The following PTPN13 variants were observed in gnomAD, a reference collection of about 807,000 sequenced individuals.
PTPN13 encodes the protein tyrosine-protein phosphatase non-receptor type 13.
A neutral mutation model predicts 284.0 loss-of-function variants in PTPN13; 191 were observed. The observed-to-expected ratio is 0.67, with a 90% CI of 0.60 to 0.76. The LOEUF is 0.76. PTPN13 is among the 30% of genes least tolerant of loss of function. The pLI is 0.00. For synonymous variants in PTPN13, 986 were observed against 1,022.3 expected (o/e 0.96, Z 0.68); for missense variants, 2,797 against 2,939.9 (o/e 0.95, Z 1.12).
At chr4:86,652,770 G>T (rs186933899) in intron 2 of PTPN13, among the ~76,000 whole-genome samples, 1 of 152,068 alleles carries the variant, frequency 6.6e-6, no homozygotes, top group East Asian at 1.9e-4. Flanking sequence ...GGTGTTCTGT[G>T]ATCTTTTCAT....
chr4:86,710,095 A>G (rs1033894860), intron 7 of PTPN13, among the ~76,000 whole-genome samples: 1 of 152,190 alleles, frequency 6.6e-6, no homozygotes, highest in Non-Finnish European at 1.5e-5. Context: ...TTATTCTCCC[A>G]TAAAGGAAGC....
At chr4:86,652,874 T>C (rs928302763) in intron 2 of PTPN13, among the ~76,000 whole-genome samples, 3 of 152,020 alleles carry the variant, frequency 2.0e-5, no homozygotes, top group Non-Finnish European at 2.9e-5. Context: ...GGCCAATAAT[T>C]CTTAGATTTG....
At chr4:86,738,450 C>T (rs566031164) in intron 15 of PTPN13, among the ~76,000 whole-genome samples, 1 of 152,004 alleles carries the variant, frequency 6.6e-6, no homozygotes, top group South Asian at 2.1e-4. Flanking sequence ...TTTGTACTTC[C>T]CTCATTACTA....
At position 86,799,137 on chromosome 4, in the gene PTPN13, T is replaced by C. The variant is rs1743690156; in HGVS notation, c.6438T>C (p.Asp2146=). 6.3e-7 allele frequency: 1 copy of C among 1,594,674 alleles called. No homozygotes were observed. Among genetic ancestry groups the C allele is most frequent in the Non-Finnish European group, 8.5e-7 (1 of 1,171,594 alleles). Residue 2146 remains aspartate, a synonymous_variant, in exon 42 of 48, where the codon GAT becomes GAC. Coordinates refer to ENST00000411767, the MANE Select transcript of PTPN13 (RefSeq NM_080683.3). ...AGCCACAAGAAAAGAAGACTGATGA[T>C]GATGAAATAACATGGGGAAATGATG... ...IQKPQEKKTD[D]DEITWGNDEL...
At chr4:86,712,335 A>T (rs1732506460) in intron 7 of PTPN13, among the ~76,000 whole-genome samples, 1 of 151,478 alleles carries the variant, frequency 6.6e-6, no homozygotes. Context: ...CCTACTAGAT[A>T]CCTTTATGTG....
chr4:86,656,005 CT>C (rs1411734282), intron 2 of PTPN13, among the ~76,000 whole-genome samples: 1 of 152,194 alleles, frequency 6.6e-6, no homozygotes, highest in Non-Finnish European at 1.5e-5. Flanking sequence ...TCTTCAGTCA[CT>C]GATACCCTTT....
At chr4:86,642,260 T>C (rs1253198737) in intron 2 of PTPN13, among the ~76,000 whole-genome samples, 2 of 152,050 alleles carry the variant, frequency 1.3e-5, no homozygotes, top group African/African-American at 2.4e-5. Context: ...TTAGGTACTT[T>C]TTGTGAATGG....
At chr4:86,721,262 G>C (rs1032795383) in intron 9 of PTPN13, among the ~76,000 whole-genome samples, 1 of 151,858 alleles carries the variant, frequency 6.6e-6, no homozygotes, top group African/African-American at 2.4e-5. Flanking sequence ...CAGATTCAAG[G>C]TCTTATTATT....
intron 2 of PTPN13, among the ~76,000 whole-genome samples, chr4:86,647,125 G>T (rs1159480169): frequency 6.6e-6 from 1 of 152,004 alleles, no homozygotes; most frequent in Non-Finnish European, 1.5e-5. Context: ...TAGAGGTGAT[G>T]GATATATTAA....
At position 86,655,567 on chromosome 4, in the gene PTPN13, G is replaced by A. The variant is rs181637689; in HGVS notation, c.116-16798G>A. On this transcript the variant is annotated intron_variant, in intron 2 of 47. Coordinates refer to ENST00000411767, the MANE Select transcript of PTPN13 (RefSeq NM_080683.3). ...TTTTCTTTAAGAATGTTGAATATTG[G>A]CCCCCACTCTCTTCTGGCGTGTAGA... 3.4e-3 allele frequency among the ~76,000 whole-genome samples: 511 copies of A among 152,234 alleles called. 1 individual carries two copies. Among genetic ancestry groups the A allele is most frequent in the African/African-American group, 0.012 (494 of 41,526 alleles).
chr4:86,754,177 T>G (rs1480300717), intron 20 of PTPN13, among the ~76,000 whole-genome samples: 3 of 152,204 alleles, frequency 2.0e-5, no homozygotes, highest in Non-Finnish European at 4.4e-5. Context: ...ATGAGGTTTC[T>G]TTCCTTCTCA....
At chr4:86,734,551 A>C (rs993334022) in intron 13 of PTPN13, 95 bp downstream of exon 13, 1 of 1,296,716 alleles carries the variant, frequency 7.7e-7, no homozygotes, top group Admixed American at 2.9e-5. Context: ...CCAATCAATG[A>C]TAATGTCTGC....
chr4:86,707,589 A>C (rs1455106587), intron 7 of PTPN13, among the ~76,000 whole-genome samples: 1 of 152,192 alleles, frequency 6.6e-6, no homozygotes, highest in Non-Finnish European at 1.5e-5. Context: ...GTTCATGTTC[A>C]AGTATTATGT....
chr4:86,718,801 A>T (rs1410520917), intron 9 of PTPN13, among the ~76,000 whole-genome samples: 1 of 152,106 alleles, frequency 6.6e-6, no homozygotes, highest in East Asian at 1.9e-4. Flanking sequence ...TGTACTTTTT[A>T]AAATAGTCTA....
intron 6 of PTPN13, among the ~76,000 whole-genome samples, chr4:86,694,812 T>C (rs1190428250): frequency 6.6e-6 from 1 of 152,106 alleles, no homozygotes. Flanking sequence ...TCCTAGATCT[T>C]GGGGCTAGGT....
Position 86,701,488 on chromosome 4 carries a change from TAAG to T in PTPN13, c.890_892del (p.Lys297del), listed in dbSNP as rs757530164. The T allele has an allele frequency of 2.5e-5, 40 of 1,613,906 alleles. No homozygotes were observed. The highest frequency in any genetic ancestry group is 1.6e-4 in the Middle Eastern group (1 of 6,084). ...CCATCCCTGGCATTGATGTGCTTTC[TAAG>T]AAGAAGATCTGGGCTTCATCCATGG... On this transcript the variant is annotated inframe_deletion, in exon 7 of 48. Coordinates refer to ENST00000411767, the MANE Select transcript of PTPN13 (RefSeq NM_080683.3).
rs1358448947 is a variant in PTPN13, at chr4:86,775,632, A to T, written c.5871A>T (p.Ser1957=). Residue 1957 remains serine (S), a synonymous_variant, in exon 35 of 48, where the codon TCA becomes TCT. Transcript: ENST00000411767. The part of the protein sequence containing the change: ...VNRALDMSLP[S]LVLKATRNDL... ...GAGCATTAGACATGTCACTTCCTTC[A>T]TTGGTATTGAAAGCAACAAGGTACT... 1 of 1,611,898 alleles carries T rather than the reference A, an allele frequency of 6.2e-7. No homozygotes were observed. Among genetic ancestry groups the T allele is most frequent in the Non-Finnish European group, 8.5e-7 (1 of 1,178,940 alleles).
intron 2 of PTPN13, among the ~76,000 whole-genome samples, chr4:86,654,368 G>T (rs533641805): frequency 2.4e-4 from 37 of 152,214 alleles, no homozygotes; most frequent in African/African-American, 8.9e-4. Context: ...CAGAAATACA[G>T]ACTACCATCA....
chr4:86,791,783 C>G (rs1348792968), intron 40 of PTPN13, among the ~76,000 whole-genome samples: 1 of 152,166 alleles, frequency 6.6e-6, no homozygotes, highest in African/African-American at 2.4e-5. Flanking sequence ...AGAAGGGAAA[C>G]TAACAAACAG....
Sources: allele counts gnomAD v4.1 joint callset (sites outside exome capture counted in the v4.1 genomes callset), GRCh38; gene constraint gnomAD v4.1.1; transcripts MANE v1.5; gene names NCBI Gene and HGNC (gene_info 2026-07-23, HGNC 2026-07-21).